WWOX: variants seen among roughly 807,000 people sequenced by gnomAD.
WWOX encodes WW domain-containing oxidoreductase.
Under a neutral mutation model 46.2 loss-of-function variants are expected in WWOX, and 69 were observed. The observed-to-expected ratio is 1.49, with a 90% CI of 1.23 to 1.82. The LOEUF (loss-of-function observed/expected upper bound fraction) is 1.82, where lower values mean the gene tolerates loss of function less well. WWOX is among the 40% of genes most tolerant of loss of function. WWOX has a pLI of 0.00. For synonymous variants in WWOX, 359 were observed against 202.6 expected, an observed-to-expected ratio of 1.77 and a Z score of -6.56; for missense variants, 919 against 542.6, an observed-to-expected ratio of 1.69 and a Z score of -6.89.
intron 8 of WWOX, among the ~76,000 whole-genome samples, chr16:78,709,396 G>A: frequency 6.6e-6 from 1 of 152,182 alleles, no homozygotes; most frequent in East Asian, 1.9e-4. Flanking sequence ...CGGTTCACAG[G>A]GCCTGGGTAG....
intron 8 of WWOX, among the ~76,000 whole-genome samples, chr16:78,696,186 C>A (rs775304586): frequency 3.3e-4 from 51 of 152,256 alleles, no homozygotes; most frequent in Admixed American, 1.9e-3. Context: ...TTCCTCCGGG[C>A]AAGTCTTTTT....
intron 8 of WWOX, among the ~76,000 whole-genome samples, chr16:78,961,622 G>T (rs961399528): frequency 2.6e-5 from 4 of 152,012 alleles, no homozygotes; most frequent in Non-Finnish European, 4.4e-5. Context: ...CTTCTGAAGG[G>T]ACTCTTTACA....
rs367793867 is a variant in WWOX at position 78,659,113 on chromosome 16, C to A, written c.1056+226361C>A. Among the ~76,000 whole-genome samples the A allele has an allele frequency of 3.2e-3, 451 of 143,022 alleles. 3 individuals carry two copies. Among genetic ancestry groups the A allele is most frequent in the African/African-American group, 9.3e-3 (364 of 39,094 alleles). The allele number at this position is 143,022 out of a possible 152,430, so 93.8% of individuals were successfully genotyped here. On this transcript the variant is annotated intron_variant, in intron 8 of 8. Transcript: ENST00000566780. ...TCTCAAAAAAAAACAAACAAACAAA[C>A]AAAAAAAAAACAAAACACATGCTGG...
At chr16:78,995,691 A>G (rs1327783773) in intron 8 of WWOX, among the ~76,000 whole-genome samples, 1 of 152,206 alleles carries the variant, frequency 6.6e-6, no homozygotes, top group African/African-American at 2.4e-5. Context: ...GATTCTCAGG[A>G]CTGGTAAAGT....
intron 5 of WWOX, among the ~76,000 whole-genome samples, chr16:78,210,499 A>G (rs1012208784): frequency 2.6e-5 from 4 of 152,010 alleles, no homozygotes; most frequent in Non-Finnish European, 5.9e-5. Context: ...GTGCACACAC[A>G]CAGACACACA....
chr16:79,201,449 G>C (rs552480866), intron 8 of WWOX, among the ~76,000 whole-genome samples: 6 of 151,348 alleles, frequency 4.0e-5, no homozygotes. Flanking sequence ...GAGCTGGCTC[G>C]GTTTTCTAAA....
At chr16:78,169,761 G>C (rs2035092799) in intron 5 of WWOX, among the ~76,000 whole-genome samples, 1 of 152,120 alleles carries the variant, frequency 6.6e-6, no homozygotes, top group Non-Finnish European at 1.5e-5. Context: ...GTTGTTTGCA[G>C]GAGGAAAAGG....
At chr16:78,621,455 C>G (rs2046179387) in intron 8 of WWOX, among the ~76,000 whole-genome samples, 1 of 151,804 alleles carries the variant, frequency 6.6e-6, no homozygotes, top group East Asian at 2.0e-4. Context: ...TTATTCTTTT[C>G]TTCTTCCAGT....
At chr16:78,410,848 A>G (rs976862796) in intron 6 of WWOX, among the ~76,000 whole-genome samples, 5 of 151,004 alleles carry the variant, frequency 3.3e-5, no homozygotes, top group Admixed American at 2.6e-4. Context: ...GGCCAAGGTC[A>G]TCTCAAGTCT....
At chr16:78,405,550 C>G (rs1057451511) in intron 6 of WWOX, among the ~76,000 whole-genome samples, 1 of 152,320 alleles carries the variant, frequency 6.6e-6, no homozygotes, top group Non-Finnish European at 1.5e-5. Context: ...AGGACATTCT[C>G]TACCAGACAT....
chr16:78,222,372 A>G (rs1482560615), intron 5 of WWOX, among the ~76,000 whole-genome samples: 6 of 151,536 alleles, frequency 4.0e-5, no homozygotes, highest in African/African-American at 1.5e-4. Context: ...GAGAAGTCCA[A>G]CTAGCTGAGT....
At chr16:78,705,631 G>A (rs1397482482) in intron 8 of WWOX, among the ~76,000 whole-genome samples, 1 of 152,174 alleles carries the variant, frequency 6.6e-6, no homozygotes, top group East Asian at 1.9e-4. Context: ...CTGGGGAAAA[G>A]CTGATGTTGT....
At chr16:78,977,458 A>G (rs755599103) in intron 8 of WWOX, among the ~76,000 whole-genome samples, 65 of 152,164 alleles carry the variant, frequency 4.3e-4, no homozygotes, top group Non-Finnish European at 7.2e-4. Flanking sequence ...AGCTATAAGG[A>G]GATGAGCTCA....
chr16:79,171,213 G>C (rs544584743), intron 8 of WWOX, among the ~76,000 whole-genome samples: 1 of 152,284 alleles, frequency 6.6e-6, no homozygotes, highest in South Asian at 2.1e-4. Flanking sequence ...GACACCCGGG[G>C]AAAATGTAGA....
At chr16:78,579,307 C>T (rs183492575) in intron 8 of WWOX, among the ~76,000 whole-genome samples, 5 of 152,086 alleles carry the variant, frequency 3.3e-5, no homozygotes, top group South Asian at 2.1e-4. Context: ...CATATGTCGA[C>T]GGTGTGAGTG....
At chr16:79,159,671 C>G (rs942749182) in intron 8 of WWOX, among the ~76,000 whole-genome samples, 1 of 152,164 alleles carries the variant, frequency 6.6e-6, no homozygotes, top group Non-Finnish European at 1.5e-5. Flanking sequence ...TCATATTTAA[C>G]AAGCCACTGA....
chr16:78,261,252 T>C (rs190913255), intron 5 of WWOX, among the ~76,000 whole-genome samples: 1 of 146,240 alleles, frequency 6.8e-6, no homozygotes, highest in East Asian at 2.0e-4. Context: ...AAGATTTTAA[T>C]GTGTGGTAAG....
chr16:79,052,408 A>C (rs997516160), intron 8 of WWOX, among the ~76,000 whole-genome samples: 1 of 152,172 alleles, frequency 6.6e-6, no homozygotes, highest in Non-Finnish European at 1.5e-5. Context: ...CATGGTGTAT[A>C]TGTGCCAGCC....
At chr16:78,142,008 T>C (rs952545265) in intron 4 of WWOX, among the ~76,000 whole-genome samples, 1 of 133,860 alleles carries the variant, frequency 7.5e-6, no homozygotes. Context: ...TTTTTTTTTT[T>C]AAAGATGGTG....
Sources: gnomAD v4.1 joint callset for allele counts (sites outside exome capture counted in the v4.1 genomes callset) on GRCh38, gnomAD v4.1.1 for gene constraint, MANE v1.5 for transcripts, NCBI Gene and HGNC (gene_info 2026-07-23, HGNC 2026-07-21) for gene names.